UBP1: variants seen among roughly 807,000 people sequenced by gnomAD.
UBP1 encodes the protein upstream binding protein 1.
Under a neutral mutation model 76.1 loss-of-function variants are expected in UBP1, and 22 were observed. The ratio of observed to expected loss-of-function variants is 0.29; its 90% confidence interval spans 0.21 to 0.41. The LOEUF (loss-of-function observed/expected upper bound fraction) is 0.41, where lower values mean the gene tolerates loss of function less well. Ranked by LOEUF, UBP1 falls within the 10% of genes least tolerant of loss-of-function variation. The pLI is 1.00. For synonymous variants in UBP1, 224 were observed against 237.1 expected (o/e 0.94, Z 0.51); for missense variants, 436 against 668.1 (o/e 0.65, Z 3.83).
At chr3:33,421,300 A>AG (rs1431886714) in intron 2 of UBP1, among the ~76,000 whole-genome samples, 2 of 15,352 alleles carry the variant, frequency 1.3e-4, no homozygotes, top group African/African-American at 5.2e-4. Context: ...TTTTTCTTGC[A>AG]GGGGGCGGGG....
At chr3:33,400,133 C>T (rs1335267533) in intron 11 of UBP1, 56 bp downstream of exon 11, 5 of 1,188,280 alleles carry the variant, frequency 4.2e-6, no homozygotes, top group Non-Finnish European at 4.5e-6. Flanking sequence ...TTAATAAAAG[C>T]ACAGAAACAA....
intron 1 of UBP1, among the ~76,000 whole-genome samples, chr3:33,437,171 A>G (rs1314780065): frequency 6.6e-6 from 1 of 152,126 alleles, no homozygotes; most frequent in Non-Finnish European, 1.5e-5. Context: ...AATGTTAGTA[A>G]TTAGCCCCAA....
intron 1 of UBP1, among the ~76,000 whole-genome samples, chr3:33,432,448 A>G (rs554922567): frequency 6.6e-6 from 1 of 152,368 alleles, no homozygotes; most frequent in Admixed American, 6.5e-5. Flanking sequence ...ATACTTTCAC[A>G]TTATGAAGTT....
chr3:33,438,607 C>T (rs924978681), intron 1 of UBP1, among the ~76,000 whole-genome samples: 6 of 152,226 alleles, frequency 3.9e-5, no homozygotes, highest in Admixed American at 3.9e-4. Flanking sequence ...GAGACCAAAT[C>T]AGAGCCAGAC....
At chr3:33,413,275 G>A (rs1030409858) in intron 3 of UBP1, among the ~76,000 whole-genome samples, 13 of 152,042 alleles carry the variant, frequency 8.6e-5, no homozygotes, top group African/African-American at 1.9e-4. Context: ...GGCTGGGTGC[G>A]GTGGCTCACA....
intron 2 of UBP1, among the ~76,000 whole-genome samples, chr3:33,418,507 C>G (rs2044789636): frequency 6.6e-6 from 1 of 151,942 alleles, no homozygotes; most frequent in Non-Finnish European, 1.5e-5. Flanking sequence ...GATTCACCCG[C>G]CTCAGCCTCC....
chr3:33,422,746 G>A (rs2044930705), intron 2 of UBP1, among the ~76,000 whole-genome samples: 1 of 122,986 alleles, frequency 8.1e-6, no homozygotes, highest in Admixed American at 9.1e-5. Flanking sequence ...AAGGGAGAGG[G>A]GGAGGGAGAG....
Position 33,389,921 on chromosome 3 carries a change from G to T in UBP1, c.*410C>A. 5.8e-6 allele frequency: 1 copy of T among 170,962 alleles called. No homozygotes were observed. Among genetic ancestry groups the T allele is most frequent in the Non-Finnish European group, 1.3e-5 (1 of 79,118 alleles). 10.6% of individuals were successfully genotyped at this position (170,962 alleles called of 1,614,324 possible). ...TGTCCCCCATCTCCTCTCCAGGTCA[G>T]CATAAGGTTCAGGCAATAAAAGCCA... is the stretch of plus-strand genomic sequence containing the variant. On this transcript the variant is annotated 3_prime_UTR_variant, in exon 16 of 16. Transcript: ENST00000283629.
intron 1 of UBP1, among the ~76,000 whole-genome samples, chr3:33,426,753 C>T (rs1171745545): frequency 6.6e-6 from 1 of 152,112 alleles, no homozygotes; most frequent in Non-Finnish European, 1.5e-5. Context: ...TAACATGTAC[C>T]AATGCTTCAT....
intron 2 of UBP1, among the ~76,000 whole-genome samples, chr3:33,418,647 T>C (rs889557946): frequency 6.6e-6 from 1 of 151,256 alleles, no homozygotes; most frequent in Non-Finnish European, 1.5e-5. Flanking sequence ...TCACCTGAGG[T>C]TGGGAGTTCG....
In UBP1 at chr3:33,409,225, T is replaced by A. The variant is rs1283768427; in HGVS notation, c.819+11A>T. 1 of 1,612,726 alleles carries A rather than the reference T, an allele frequency of 6.2e-7. No individual in the cohort carries two copies. The highest frequency in any genetic ancestry group is 1.3e-5 in the African/African-American group (1 of 74,840). On this transcript the variant is annotated intron_variant, in intron 7 of 15. Transcript: ENST00000283629. Reference sequence around the variant, plus strand: ...GCTTCTCTTCCAAAACCAAATGCTTTACTACATTACCTCTGTGAGGATTGT... The same window carrying A: ...GCTTCTCTTCCAAAACCAAATGCTTAACTACATTACCTCTGTGAGGATTGT...
At chr3:33,430,759 G>A (rs1015284864) in intron 1 of UBP1, among the ~76,000 whole-genome samples, 6 of 152,118 alleles carry the variant, frequency 3.9e-5, no homozygotes, top group African/African-American at 1.4e-4. Flanking sequence ...ATGCAGCTGC[G>A]GAAAATTTCA....
chr3:33,404,260 A>C (rs985168327), intron 8 of UBP1, among the ~76,000 whole-genome samples: 6 of 152,042 alleles, frequency 3.9e-5, no homozygotes, highest in Non-Finnish European at 8.8e-5. Flanking sequence ...AAAATACAAA[A>C]ACTTAGCTGG....
At chr3:33,401,627 C>T (rs752269098) in intron 9 of UBP1, among the ~76,000 whole-genome samples, 10 of 152,298 alleles carry the variant, frequency 6.6e-5, no homozygotes, top group Admixed American at 1.3e-4. Flanking sequence ...TCTTAGCCCC[C>T]GTGCCTCAAT....
chr3:33,432,102 C>T (rs905693784), intron 1 of UBP1, among the ~76,000 whole-genome samples: 3 of 152,108 alleles, frequency 2.0e-5, no homozygotes, highest in South Asian at 2.1e-4. Context: ...CCGAGACAGG[C>T]GGACTGCTTG....
intron 1 of UBP1, among the ~76,000 whole-genome samples, chr3:33,435,931 A>G (rs2045196903): frequency 6.6e-6 from 1 of 152,226 alleles, no homozygotes; most frequent in South Asian, 2.1e-4. Flanking sequence ...TCAAACCATC[A>G]TAAGTTGGAG....
intron 2 of UBP1, among the ~76,000 whole-genome samples, chr3:33,417,833 G>A (rs1380466366): frequency 2.0e-5 from 3 of 152,068 alleles, no homozygotes; most frequent in Non-Finnish European, 4.4e-5. Context: ...TACTCCCAGG[G>A]GGCTTACAGA....
At chr3:33,402,000 TCTC>T (rs34906730) in intron 9 of UBP1, among the ~76,000 whole-genome samples, 14,522 of 152,194 alleles carry the variant, frequency 0.095, 1,024 homozygotes, top group Non-Finnish European at 0.15. Flanking sequence ...AGTTTATCCA[TCTC>T]CTCAGGGGGA....
Position 33,396,174 on chromosome 3 carries a change from C to A in UBP1, c.1378G>T (p.Gly460Trp). 6.3e-7 allele frequency: 1 copy of A among 1,581,028 alleles called. No homozygotes were observed. Residue 460 changes from glycine to tryptophan, a missense_variant, in exon 13 of 16, where the codon GGG (glycine) becomes TGG (tryptophan). Gly to Trp is a radical substitution (Grantham distance 184). This residue lies in a region of UBP1 where 210 missense variants were observed against 272.8 expected (regional missense o/e 0.77). Coordinates refer to ENST00000283629, the MANE Select transcript of UBP1 (RefSeq NM_014517.5). Reference sequence around the variant, plus strand: ...CCTCAATACCTACCATAGGGTGCCCCACTGCCATTCTCGCTTGCACTGCTT... The same window carrying A: ...CCTCAATACCTACCATAGGGTGCCCAACTGCCATTCTCGCTTGCACTGCTT... ...AASSASENGS[G>W]APYVYHAIYL... is the part of the protein sequence containing the mutation.
Sources: allele counts gnomAD v4.1 joint callset (sites outside exome capture counted in the v4.1 genomes callset), GRCh38; gene constraint gnomAD v4.1.1; regional missense constraint gnomAD v4.1.1; transcripts MANE v1.5; gene names NCBI Gene and HGNC (gene_info 2026-07-23, HGNC 2026-07-21).